The following KNG1 variants were observed in gnomAD, a reference collection of about 807,000 sequenced individuals.
The protein encoded by KNG1 is kininogen 1, also known as kininogen-1.
A neutral mutation model predicts 47.8 loss-of-function variants in KNG1; 23 were observed. The observed-to-expected ratio is 0.48, with a 90% CI of 0.35 to 0.68. The LOEUF (loss-of-function observed/expected upper bound fraction) is 0.68. Among genes scored for constraint, KNG1 ranks in the 30% least tolerant of loss-of-function variants. The probability of loss-of-function intolerance (pLI) is 0.01; values close to 1 mark genes in which losing one functional copy is unlikely to be tolerated. For missense variants in KNG1, 762 were observed against 790.2 expected (o/e 0.96, Z 0.43); for synonymous variants, 277 against 277.0 (o/e 1.00, Z 0.00).
At position 186,742,320 on chromosome 3, in the gene KNG1, G is replaced by A; in HGVS notation, c.1924G>A (p.Gly642Ser). ...KESYYFDLTDGLS is the reference protein window; with the variant it reads ...KESYYFDLTDSLS ...ATCTTATTATTTCGATCTCACTGAT[G>A]GCCTTTCTTAATTTAAGTGGCTATG... The change falls in exon 10 of 10, where the codon GGC becomes AGC. Residue 642 changes from glycine (G) to serine (S), a missense_variant. By Grantham distance (56) the Gly-to-Ser change is moderately conservative. Coordinates refer to ENST00000644859, the MANE Select transcript of KNG1 (RefSeq NM_001102416.3). 6.2e-7 allele frequency: 1 copy of A among 1,613,822 alleles called. No individual in the cohort carries two copies. Among genetic ancestry groups the A allele is most frequent in the Non-Finnish European group, 8.5e-7 (1 of 1,179,892 alleles).
At chr3:186,732,129 A>G (rs1186481920) in intron 6 of KNG1, among the ~76,000 whole-genome samples, 2 of 152,216 alleles carry the variant, frequency 1.3e-5, no homozygotes, top group African/African-American at 4.8e-5. Flanking sequence ...GCGTTCCATG[A>G]GTAGTCTGAA....
At chr3:186,726,274 CT>C (rs774226752) in intron 4 of KNG1, among the ~76,000 whole-genome samples, 32,640 of 111,408 alleles carry the variant, frequency 0.29, 2,020 homozygotes, top group Middle Eastern at 0.43. Flanking sequence ...GACTTTTCTT[CT>C]TTTTTTTTTT....
chr3:186,722,452 A>G lies in KNG1; in HGVS notation c.322A>G (p.Thr108Ala). ...DAAKAATGEC[T>A]ATVGKRSSTK... ...TTCTTTTTAGGCCACTGGAGAATGCACGGCAACCGTGGGGAAGAGGAGCAG... is the reference window on the plus strand; with the variant it reads ...TTCTTTTTAGGCCACTGGAGAATGCGCGGCAACCGTGGGGAAGAGGAGCAG... The change falls in exon 3 of 10, where the codon ACG becomes GCG. Residue 108 changes from threonine to alanine, a missense_variant. Thr to Ala is a moderately conservative substitution (Grantham distance 58). Coordinates refer to ENST00000644859, the MANE Select transcript of KNG1 (RefSeq NM_001102416.3). The G allele has an allele frequency of 1.2e-6, 2 of 1,613,694 alleles. No homozygotes were observed. Among genetic ancestry groups the G allele is most frequent in the Non-Finnish European group, 1.7e-6 (2 of 1,179,626 alleles).
Position 186,717,473 on chromosome 3 carries a change from T to G in KNG1, c.-70T>G. 8.7e-7 allele frequency: 1 copy of G among 1,144,200 alleles called. No individual in the cohort carries two copies. The highest frequency in any genetic ancestry group is 2.3e-5 in the East Asian group (1 of 42,746). 70.9% of individuals were successfully genotyped at this position (1,144,200 alleles called of 1,614,324 possible). ...AACAAGAGGCTGGAGATTGTCAAATTCAGTATCCCAGTTGGCTCTTGATTC... is the reference window on the plus strand; with the variant it reads ...AACAAGAGGCTGGAGATTGTCAAATGCAGTATCCCAGTTGGCTCTTGATTC... On this transcript the variant is annotated 5_prime_UTR_variant, in exon 1 of 10. It adds an upstream start codon to the 5' untranslated region. Transcript: ENST00000644859.
Position 186,742,987 on chromosome 3 carries a change from T to C in KNG1, c.*656T>C. 2 of 975,530 alleles carry C rather than the reference T, an allele frequency of 2.1e-6. No individual in the cohort carries two copies. Among genetic ancestry groups the C allele is most frequent in the Non-Finnish European group, 1.2e-6 (1 of 821,012 alleles). 60.4% of individuals were successfully genotyped at this position (975,530 alleles called of 1,614,324 possible). A position where few individuals can be genotyped will look rare whatever the true frequency, so the allele number is the denominator to read the frequency against. On this transcript the variant is annotated 3_prime_UTR_variant, in exon 10 of 10. Coordinates refer to ENST00000644859, the MANE Select transcript of KNG1 (RefSeq NM_001102416.3). ...AAAGGGAGGAAAGGGGGGACATAAA[T>C]TAATTGACTTTCTATTCCCAAAATG...
chr3:186,733,795 C>T (rs35477316), intron 7 of KNG1, among the ~76,000 whole-genome samples: 4,289 of 152,182 alleles, frequency 0.028, 76 homozygotes, highest in Non-Finnish European at 0.042. Flanking sequence ...ATAGAGAAAC[C>T]TCATCTCTAC....
At chr3:186,732,728 T>A (rs1720570198) in intron 7 of KNG1, 54 bp downstream of exon 7, 5 of 1,421,612 alleles carry the variant, frequency 3.5e-6, no homozygotes, top group Middle Eastern at 1.8e-4. Context: ...TGCAAATTGC[T>A]GACTAATTTT....
chr3:186,732,821 A>AT (rs1720573031), intron 7 of KNG1, 147 bp downstream of exon 7: 1 of 715,088 alleles, frequency 1.4e-6, no homozygotes, highest in African/African-American at 1.7e-5. Flanking sequence ...TTAAGTGCCA[A>AT]TCTCCCTGTA....
In KNG1 at chr3:186,732,243, C is replaced by A. The variant is rs562403661; in HGVS notation, c.758-259C>A. The stretch of plus-strand genomic sequence containing the variant: ...AGTTTCCATCAAAAATGCAAAAATT[C>A]AGGAAAAGTGTAGCGTTTTGTTGGA... On this transcript the variant is annotated intron_variant, in intron 6 of 9. Transcript: ENST00000644859. Among the ~76,000 whole-genome samples, 19 of 152,262 alleles carry A rather than the reference C, an allele frequency of 1.2e-4. No individual in the cohort carries two copies. In the South Asian group the frequency reaches 3.3e-3, roughly 27 times the overall value.
At chr3:186,732,332 GAA>G (rs1720556832) in intron 6 of KNG1, among the ~76,000 whole-genome samples, 168 bp from the exon 7 acceptor site, 2 of 152,172 alleles carry the variant, frequency 1.3e-5, no homozygotes, top group African/African-American at 4.8e-5. Flanking sequence ...GAGGAGAAAA[GAA>G]GAGAGGCAGG....
intron 5 of KNG1, among the ~76,000 whole-genome samples, 163 bp downstream of exon 5, chr3:186,727,507 C>T (rs1483982561): frequency 1.3e-5 from 2 of 152,192 alleles, no homozygotes; most frequent in Non-Finnish European, 2.9e-5. Context: ...ACTGGTCAAG[C>T]TGCCTTACCT....
At chr3:186,727,474 T>C (rs889809580) in intron 5 of KNG1, 130 bp downstream of exon 5, 2 of 689,990 alleles carry the variant, frequency 2.9e-6, no homozygotes, top group Admixed American at 2.1e-5. Flanking sequence ...TCACATTTAC[T>C]TGGGAAGACT....
chr3:186,737,010 T>A (rs913477590), intron 7 of KNG1: 5 of 152,086 alleles, frequency 3.3e-5, no homozygotes, highest in African/African-American at 1.2e-4. Flanking sequence ...GTCACTGCAC[T>A]CCAGCCTGGG....
intron 7 of KNG1, among the ~76,000 whole-genome samples, chr3:186,733,521 T>TATCA (rs1170070944): frequency 6.6e-6 from 1 of 152,144 alleles, no homozygotes; most frequent in African/African-American, 2.4e-5. Flanking sequence ...TTTCATGCCC[T>TATCA]ATCAATAGAA....
chr3:186,733,194 C>T (rs1212217), intron 7 of KNG1, among the ~76,000 whole-genome samples: 3 of 151,868 alleles, frequency 2.0e-5, no homozygotes, highest in East Asian at 1.9e-4. Flanking sequence ...TGCAGTGAGC[C>T]GAGATTGCGC....
chr3:186,730,701 TATATATATATATATAC>T (rs1486641834), intron 5 of KNG1, among the ~76,000 whole-genome samples: 19 of 63,308 alleles, frequency 3.0e-4, no homozygotes, highest in African/African-American at 9.4e-4. Flanking sequence ...TATATATATA[TATATATATATATATAC>T]ACACACACAC....
chr3:186,730,591 G>A (rs974017408), intron 5 of KNG1, among the ~76,000 whole-genome samples: 6 of 147,106 alleles, frequency 4.1e-5, no homozygotes, highest in Non-Finnish European at 7.4e-5. Flanking sequence ...AGGAGGCAGA[G>A]GTTGCAGTGA....
At chr3:186,735,201 G>A (rs1313581239) in intron 7 of KNG1, among the ~76,000 whole-genome samples, 4 of 152,020 alleles carry the variant, frequency 2.6e-5, no homozygotes, top group African/African-American at 7.2e-5. Context: ...TAAGAGAGAC[G>A]CGGGCCAGAC....
chr3:186,722,681 G>A (rs1174055138), intron 3 of KNG1, among the ~76,000 whole-genome samples, 160 bp downstream of exon 3: 2 of 152,226 alleles, frequency 1.3e-5, no homozygotes, highest in African/African-American at 4.8e-5. Flanking sequence ...GAGCCCGGAG[G>A]TTGAGCCAGG....
Sources: gnomAD v4.1 joint callset for allele counts (sites outside exome capture counted in the v4.1 genomes callset) on GRCh38, gnomAD v4.1.1 for gene constraint, MANE v1.5 for transcripts, NCBI Gene and HGNC (gene_info 2026-07-23, HGNC 2026-07-21) for gene names.